Variants in XIRP2 observed in about 807,000 individuals in gnomAD.
XIRP2 encodes the protein xin actin binding repeat containing 2.
XIRP2 carries 236 observed loss-of-function variants against 277.0 expected under a neutral mutation model. That is an observed-to-expected ratio of 0.85 (90% CI 0.77 to 0.95). XIRP2 has a LOEUF of 0.95. Among genes scored for constraint, XIRP2 ranks in the 40% least tolerant of loss-of-function variants. The pLI is 0.00. For missense variants in XIRP2, 4,640 were observed against 4,157.5 expected (o/e 1.12, Z -3.19); for synonymous variants, 1,490 against 1,416.5 (o/e 1.05, Z -1.17).
intron 2 of XIRP2, among the ~76,000 whole-genome samples, chr2:167,084,271 T>G (rs906015553): frequency 1.3e-5 from 2 of 152,240 alleles, no homozygotes; most frequent in African/African-American, 4.8e-5. Context: ...TGAACCAGCC[T>G]TGCATCCTAG....
In XIRP2 at chr2:166,937,953, A is replaced by C. The variant is rs190976603; in HGVS notation, c.408+34063A>C. Among the ~76,000 whole-genome samples, 4 of 152,156 alleles carry C rather than the reference A, an allele frequency of 2.6e-5. No homozygotes were observed. The East Asian group carries it at 7.8e-4, about 29-fold the overall frequency. On this transcript the variant is annotated intron_variant, in intron 2 of 10. Coordinates refer to ENST00000409195, the MANE Select transcript of XIRP2 (RefSeq NM_152381.6). The stretch of plus-strand genomic sequence containing the variant: ...GATCGGTGGTGATATCCCCTTTATC[A>C]TTTTTTATTGGGTCTATTTGAATCT...
intron 2 of XIRP2, among the ~76,000 whole-genome samples, chr2:167,073,969 A>G (rs1463059385): frequency 6.6e-6 from 1 of 152,196 alleles, no homozygotes; most frequent in Non-Finnish European, 1.5e-5. Context: ...GCATGTAGCC[A>G]TTTAGTTAAC....
chr2:167,164,445 CAAAA>C (rs36066566), intron 3 of XIRP2, among the ~76,000 whole-genome samples: 19 of 46,630 alleles, frequency 4.1e-4, no homozygotes, highest in Admixed American at 5.1e-4. Context: ...GACTCCGTCT[CAAAA>C]AAAAAAAAAA....
chr2:167,220,359 GTC>G (rs1294474610), intron 5 of XIRP2, among the ~76,000 whole-genome samples: 1 of 152,046 alleles, frequency 6.6e-6, no homozygotes. Context: ...TAACATCTTT[GTC>G]TCTCAGTTTC....
chr2:167,243,909 C>G lies in XIRP2; in HGVS notation c.2517C>G (p.Ser839=). The G allele has an allele frequency of 6.2e-7, 1 of 1,613,918 alleles. No homozygotes were observed. Among genetic ancestry groups the G allele is most frequent in the Non-Finnish European group, 8.5e-7 (1 of 1,179,914 alleles). The change falls in exon 9 of 11, where the codon TCC becomes TCG. Residue 839 remains serine (S), a synonymous_variant. Coordinates refer to ENST00000409195, the MANE Select transcript of XIRP2 (RefSeq NM_152381.6). ...AAAAAATAATAGGTACAGATGTCTCCAGAAAGTGTTGGATGTTTGAAACCC... is the reference window on the plus strand; with the variant it reads ...AAAAAATAATAGGTACAGATGTCTCGAGAAAGTGTTGGATGTTTGAAACCC... ...EKEKIIGTDV[S]RKCWMFETQP...
chr2:166,904,836 C>A (rs1161663179), intron 2 of XIRP2, among the ~76,000 whole-genome samples: 1 of 151,938 alleles, frequency 6.6e-6, no homozygotes, highest in Non-Finnish European at 1.5e-5. Context: ...CAGAAAGGTA[C>A]ACAGTCGTAT....
intron 2 of XIRP2, among the ~76,000 whole-genome samples, chr2:166,968,790 C>T (rs915014601): frequency 2.6e-5 from 4 of 151,432 alleles, no homozygotes; most frequent in African/African-American, 9.7e-5. Context: ...ATAGCATGTA[C>T]GAATATAAGT....
rs377208972 is a variant in XIRP2, at chr2:167,150,137, A to C, written c.562+14075A>C. Among the ~76,000 whole-genome samples the C allele has an allele frequency of 4.6e-5, 7 of 150,962 alleles. No homozygotes were observed. The East Asian group carries it at 5.8e-4, about 13-fold the overall frequency. Reference sequence around the variant, plus strand: ...ATAAAGAAATAAATAATAAGACAAAATTGTTCATTCCTTAAAAAAAAATCG... The same window carrying C: ...ATAAAGAAATAAATAATAAGACAAACTTGTTCATTCCTTAAAAAAAAATCG... On this transcript the variant is annotated intron_variant, in intron 3 of 10. Coordinates refer to ENST00000409195, the MANE Select transcript of XIRP2 (RefSeq NM_152381.6).
chr2:167,203,789 G>A (rs534812314), intron 3 of XIRP2, among the ~76,000 whole-genome samples: 19 of 152,130 alleles, frequency 1.2e-4, no homozygotes, highest in African/African-American at 4.3e-4. Context: ...ATTAGCTGAG[G>A]GATTTGCAAA....
At chr2:167,180,011 T>C (rs1692970534) in intron 3 of XIRP2, among the ~76,000 whole-genome samples, 1 of 152,204 alleles carries the variant, frequency 6.6e-6, no homozygotes. Context: ...CAGAAAGTTG[T>C]CTACAAATAG....
At chr2:166,913,508 G>T (rs189143561) in intron 2 of XIRP2, among the ~76,000 whole-genome samples, 112 of 152,240 alleles carry the variant, frequency 7.4e-4, no homozygotes, top group African/African-American at 2.6e-3. Context: ...GACTGGAGCT[G>T]TTCCTATTCA....
At chr2:167,108,489 G>C (rs535273339) in intron 2 of XIRP2, among the ~76,000 whole-genome samples, 9 of 151,990 alleles carry the variant, frequency 5.9e-5, no homozygotes, top group Non-Finnish European at 1.2e-4. Context: ...CTTCCATCTT[G>C]AGACCGCTTT....
At chr2:167,155,922 A>C (rs201467245) in intron 3 of XIRP2, among the ~76,000 whole-genome samples, 7,366 of 138,640 alleles carry the variant, frequency 0.053, 255 homozygotes, top group Middle Eastern at 0.092. Context: ...AATCAATGTA[A>C]AAAAATCACA....
At chr2:167,177,157 G>A (rs1050601396) in intron 3 of XIRP2, among the ~76,000 whole-genome samples, 1 of 152,156 alleles carries the variant, frequency 6.6e-6, no homozygotes, top group African/African-American at 2.4e-5. Flanking sequence ...TAGCTCAGCT[G>A]TTTTTGTTTT....
intron 5 of XIRP2, among the ~76,000 whole-genome samples, chr2:167,221,460 C>CAAAAAAAAAAAAAAA (rs57006710): frequency 1.6e-5 from 1 of 63,458 alleles, no homozygotes; most frequent in Non-Finnish European, 3.6e-5. Context: ...AACTCCATCT[C>CAAAAAAAAAAAAAAA]AAAAAAAAAA....
rs187250032 is a variant in XIRP2 at position 167,168,700 on chromosome 2, C to T, written c.562+32638C>T. On this transcript the variant is annotated intron_variant, in intron 3 of 10. Coordinates refer to ENST00000409195, the MANE Select transcript of XIRP2 (RefSeq NM_152381.6). ...CATGATCTCTGCTCACTGCAAGCTC[C>T]GCCTCCCGGGTTCACACCATTCTCC... Among the ~76,000 whole-genome samples the T allele has an allele frequency of 8.6e-3, 1,316 of 152,246 alleles. 11 individuals are homozygous for T. Among genetic ancestry groups the T allele is most frequent in the Non-Finnish European group, 0.01 (685 of 68,012 alleles).
intron 2 of XIRP2, among the ~76,000 whole-genome samples, chr2:166,983,113 A>T (rs1185074444): frequency 6.6e-6 from 1 of 152,104 alleles, no homozygotes; most frequent in Non-Finnish European, 1.5e-5. Context: ...GGGAAGTTTG[A>T]TTCAATATGA....
chr2:167,134,231 GTATAT>G (rs1409271131), intron 2 of XIRP2, among the ~76,000 whole-genome samples: 1 of 150,222 alleles, frequency 6.7e-6, no homozygotes, highest in Non-Finnish European at 1.5e-5. Context: ...ATGTGTATAT[GTATAT>G]TATATATTTG....
Position 167,247,787 on chromosome 2 carries a change from A to C in XIRP2, c.6395A>C (p.Asp2132Ala), listed in dbSNP as rs1341806477. 1 of 1,613,170 alleles carries C rather than the reference A, an allele frequency of 6.2e-7. No homozygotes were observed. Among genetic ancestry groups the C allele is most frequent in the Non-Finnish European group, 8.5e-7 (1 of 1,179,674 alleles). The stretch of plus-strand genomic sequence containing the variant: ...CAACAGACATATGAACTGAGAAATG[A>C]CCACCAGAAAATGGAGGGTTTTCAT... ...GKQQTYELRN[D>A]HQKMEGFHIK... Residue 2132 changes from aspartate to alanine, a missense_variant, in exon 9 of 11, where the codon GAC (aspartate) becomes GCC (alanine). By Grantham distance (126) the Asp-to-Ala change is moderately radical (BLOSUM62 -2). Transcript: ENST00000409195.
Sources: gnomAD v4.1 joint callset for allele counts (sites outside exome capture counted in the v4.1 genomes callset) on GRCh38, gnomAD v4.1.1 for gene constraint, MANE v1.5 for transcripts, NCBI Gene and HGNC (gene_info 2026-07-23, HGNC 2026-07-21) for gene names.